CSGALNACT1: variants seen among roughly 807,000 people sequenced by gnomAD.
The protein encoded by CSGALNACT1 is chondroitin sulfate N-acetylgalactosaminyltransferase 1, also known as beta4GalNAcT-1.
A neutral mutation model predicts 51.0 loss-of-function variants in CSGALNACT1; 52 were observed. The observed-to-expected ratio is 1.02, with a 90% CI of 0.82 to 1.29. CSGALNACT1 has a LOEUF of 1.29. CSGALNACT1 is among the 50% of genes most tolerant of loss of function. The pLI is 0.00. For synonymous variants in CSGALNACT1, 341 were observed against 254.4 expected (o/e 1.34, Z -3.24); for missense variants, 935 against 679.2 (o/e 1.38, Z -4.19).
chr8:19,431,776 C>T (rs958097214), intron 6 of CSGALNACT1, among the ~76,000 whole-genome samples: 4 of 151,160 alleles, frequency 2.6e-5, no homozygotes, highest in African/African-American at 2.4e-5. Flanking sequence ...AAATCAGCAG[C>T]GAAGCCTGGG....
intron 3 of CSGALNACT1, among the ~76,000 whole-genome samples, chr8:19,507,788 T>G (rs954231528): frequency 6.6e-6 from 1 of 152,154 alleles, no homozygotes; most frequent in Non-Finnish European, 1.5e-5. Flanking sequence ...TCACCACCCC[T>G]GGCTAATGTT....
intron 3 of CSGALNACT1, among the ~76,000 whole-genome samples, chr8:19,535,100 A>G (rs952950185): frequency 1.3e-5 from 2 of 152,220 alleles, no homozygotes; most frequent in African/African-American, 4.8e-5. Context: ...GAGAGAAAGA[A>G]TGTGAAGAAA....
chr8:19,634,488 C>T (rs1045905414), intron 1 of CSGALNACT1, among the ~76,000 whole-genome samples: 2 of 152,056 alleles, frequency 1.3e-5, no homozygotes, highest in African/African-American at 4.8e-5. Flanking sequence ...ACAATGAGAC[C>T]CTGTCTCTCC....
At chr8:19,426,680 A>T (rs1381941001) in intron 6 of CSGALNACT1, among the ~76,000 whole-genome samples, 1 of 152,202 alleles carries the variant, frequency 6.6e-6, no homozygotes, top group Admixed American at 6.5e-5. Flanking sequence ...TTATATAATA[A>T]ATCTGGTGCA....
chr8:19,451,405 G>A (rs188909513), intron 5 of CSGALNACT1, among the ~76,000 whole-genome samples: 1 of 152,106 alleles, frequency 6.6e-6, no homozygotes, highest in African/African-American at 2.4e-5. Context: ...TATTAAACTT[G>A]TATTTTTTAA....
chr8:19,713,383 T>C (rs1199300663), intron 1 of CSGALNACT1, among the ~76,000 whole-genome samples: 1 of 152,056 alleles, frequency 6.6e-6, no homozygotes, highest in African/African-American at 2.4e-5. Flanking sequence ...AGAAGAAAAT[T>C]GTATAAAGAG....
At chr8:19,627,446 G>C (rs1467436972) in intron 1 of CSGALNACT1, among the ~76,000 whole-genome samples, 1 of 151,996 alleles carries the variant, frequency 6.6e-6, no homozygotes, top group Non-Finnish European at 1.5e-5. Flanking sequence ...GGAACAACTT[G>C]GTATCCCTAC....
intron 4 of CSGALNACT1, among the ~76,000 whole-genome samples, chr8:19,487,092 C>T (rs1587005783): frequency 6.6e-6 from 1 of 152,176 alleles, no homozygotes; most frequent in African/African-American, 2.4e-5. Flanking sequence ...TATAATGCTT[C>T]CCTTCTGAAG....
At chr8:19,493,210 C>T (rs1002449461) in intron 4 of CSGALNACT1, among the ~76,000 whole-genome samples, 2 of 152,192 alleles carry the variant, frequency 1.3e-5, no homozygotes, top group African/African-American at 4.8e-5. Flanking sequence ...TTCTATTTCA[C>T]AGCAACAGCT....
Position 19,667,019 on chromosome 8 carries a change from G to GAAAA in CSGALNACT1, c.-544+15453_-544+15454insTTTT, listed in dbSNP as rs1564386424. On this transcript the variant is annotated intron_variant, in intron 1 of 9. Transcript: ENST00000332246. ...AGAAAGAAAGAAAGAAAGAAAGAAAGGAAGGAAGGAAGGAAGGAAGGAAGA... is the reference window on the plus strand; with the variant it reads ...AGAAAGAAAGAAAGAAAGAAAGAAAGAAAAGAAGGAAGGAAGGAAGGAAGGAAGA... Among the ~76,000 whole-genome samples the GAAAA allele has an allele frequency of 2.2e-3, 63 of 29,302 alleles. 1 individual carries two copies. Among genetic ancestry groups the GAAAA allele is most frequent in the Middle Eastern group, 0.023 (1 of 44 alleles). The allele number at this position is 29,302 out of a possible 152,430, so 19.2% of individuals were successfully genotyped here.
At chr8:19,749,217 G>GTT (rs77653646) in intron 1 of CSGALNACT1, among the ~76,000 whole-genome samples, 4 of 139,978 alleles carry the variant, frequency 2.9e-5, no homozygotes, top group South Asian at 2.2e-4. Flanking sequence ...GTCCTTCTGT[G>GTT]TTTTTTTTTT....
intron 4 of CSGALNACT1, among the ~76,000 whole-genome samples, chr8:19,474,869 G>GAAAAAAAAAAAAAAAAAAAA (rs10683237): frequency 3.5e-5 from 3 of 86,166 alleles, no homozygotes; most frequent in Non-Finnish European, 6.2e-5. Context: ...CTCTGTCTCA[G>GAAAAAAAAAAAAAAAAAAAA]AAAAAAAAAA....
intron 3 of CSGALNACT1, among the ~76,000 whole-genome samples, chr8:19,568,873 C>G (rs1166694786): frequency 1.3e-5 from 2 of 152,180 alleles, no homozygotes; most frequent in Non-Finnish European, 2.9e-5. Context: ...TCAAGACTTC[C>G]TTTCAAAATT....
chr8:19,407,971 TAGTC>T (rs754267529), intron 9 of CSGALNACT1, among the ~76,000 whole-genome samples: 4 of 151,828 alleles, frequency 2.6e-5, no homozygotes, highest in Non-Finnish European at 4.4e-5. Context: ...ACTGCACATT[TAGTC>T]AGAGCTTAAA....
intron 1 of CSGALNACT1, among the ~76,000 whole-genome samples, chr8:19,625,402 A>G (rs960548863): frequency 2.0e-5 from 3 of 152,248 alleles, no homozygotes; most frequent in Non-Finnish European, 4.4e-5. Flanking sequence ...AAGAAACTGA[A>G]GCATAGAGCT....
At position 19,558,528 on chromosome 8, in the gene CSGALNACT1, G is replaced by C. The variant is rs112733124; in HGVS notation, c.-297+32632C>G. 4.1e-3 allele frequency among the ~76,000 whole-genome samples: 627 copies of C among 152,242 alleles called. 4 individuals are homozygous for C. Among genetic ancestry groups the C allele is most frequent in the African/African-American group, 0.014 (601 of 41,554 alleles). The stretch of plus-strand genomic sequence containing the variant: ...TGTTAATACAGAAAAAGTATCTATG[G>C]ATTTGGAAAGCTAATTAACATAAAT... On this transcript the variant is annotated intron_variant, in intron 3 of 9. Coordinates refer to ENST00000454498, the Ensembl canonical transcript of CSGALNACT1.
chr8:19,677,285 A>G lies in CSGALNACT1; in HGVS notation c.-544+5188T>C, dbSNP rs1427765564. Among the ~76,000 whole-genome samples the G allele has an allele frequency of 3.3e-5, 5 of 152,036 alleles. No individual in the cohort carries two copies. In the East Asian group the frequency reaches 9.6e-4, roughly 29 times the overall value. ...CACCACGCCTAGCTAATTTTTTTAT[A>G]TCTTTTACAGAGACAGCATTTTGCC... is the stretch of plus-strand genomic sequence containing the variant. On this transcript the variant is annotated intron_variant, in intron 1 of 9. Transcript: ENST00000332246.
At chr8:19,527,808 A>C (rs572641977) in intron 3 of CSGALNACT1, among the ~76,000 whole-genome samples, 2 of 152,250 alleles carry the variant, frequency 1.3e-5, no homozygotes, top group South Asian at 4.2e-4. Flanking sequence ...GGGCTTAGAC[A>C]AGTTAAGCTC....
intron 6 of CSGALNACT1, among the ~76,000 whole-genome samples, chr8:19,431,154 C>G (rs563073403): frequency 6.6e-6 from 1 of 152,102 alleles, no homozygotes; most frequent in South Asian, 2.1e-4. Flanking sequence ...ATCTGGATGA[C>G]TGTTATTTCT....
Sources: gnomAD v4.1 joint callset for allele counts (sites outside exome capture counted in the v4.1 genomes callset) on GRCh38, gnomAD v4.1.1 for gene constraint, MANE v1.5 for transcripts, NCBI Gene and HGNC (gene_info 2026-07-23, HGNC 2026-07-21) for gene names.